Variants in EYS observed in about 807,000 individuals in gnomAD.
The protein encoded by EYS is EGF-like photoreceptor maintenance factor, also known as protein eyes shut homolog.
A neutral mutation model predicts 282.1 loss-of-function variants in EYS; 250 were observed. That is an observed-to-expected ratio of 0.89 (90% CI 0.80 to 0.98). EYS has a LOEUF of 0.98. Ranked by LOEUF, EYS falls within the 50% of genes least tolerant of loss-of-function variation. The pLI, the probability that EYS is intolerant of heterozygous loss-of-function variation, is 0.00. For synonymous variants in EYS, 1,355 were observed against 1,282.9 expected, an observed-to-expected ratio of 1.06 and a Z score of -1.20; for missense variants, 4,016 against 3,709.0, an observed-to-expected ratio of 1.08 and a Z score of -2.15.
intron 31 of EYS, among the ~76,000 whole-genome samples, chr6:64,185,797 C>T (rs2150313982): frequency 6.6e-6 from 1 of 152,262 alleles, no homozygotes; most frequent in South Asian, 2.1e-4. Flanking sequence ...TTTGTCCAAA[C>T]AACTACGTGT....
intron 5 of EYS, among the ~76,000 whole-genome samples, chr6:65,457,688 T>C (rs1225282367): frequency 6.6e-6 from 1 of 152,124 alleles, no homozygotes; most frequent in African/African-American, 2.4e-5. Context: ...AAAATCAAGT[T>C]TACCCTAATA....
At chr6:64,636,521 T>C (rs1372145118) in intron 22 of EYS, among the ~76,000 whole-genome samples, 4 of 152,130 alleles carry the variant, frequency 2.6e-5, no homozygotes, top group Non-Finnish European at 4.4e-5. Context: ...ATTCAGAACA[T>C]AGGCATGGGC....
At chr6:65,429,724 G>A (rs1582280068) in intron 5 of EYS, among the ~76,000 whole-genome samples, 1 of 151,668 alleles carries the variant, frequency 6.6e-6, no homozygotes, top group Non-Finnish European at 1.5e-5. Flanking sequence ...GAAACATTGA[G>A]AATGATTTTT....
intron 5 of EYS, among the ~76,000 whole-genome samples, chr6:65,435,676 A>T (rs12211561): frequency 1.3e-5 from 2 of 152,080 alleles, no homozygotes; most frequent in Non-Finnish European, 2.9e-5. Context: ...ACACTTACTA[A>T]GGACTGAATT....
intron 31 of EYS, among the ~76,000 whole-genome samples, chr6:64,195,078 A>T (rs1765241259): frequency 6.6e-6 from 1 of 152,052 alleles, no homozygotes; most frequent in Non-Finnish European, 1.5e-5. Context: ...TGTTGTCTGT[A>T]TAGTCAATAT....
At chr6:64,559,225 T>C (rs1439480011) in intron 26 of EYS, among the ~76,000 whole-genome samples, 2 of 151,752 alleles carry the variant, frequency 1.3e-5, no homozygotes, top group Admixed American at 6.6e-5. Context: ...CCATAAACTA[T>C]TTAACATTTT....
chr6:65,327,615 T>C (rs1169566940), intron 11 of EYS, among the ~76,000 whole-genome samples: 11 of 151,638 alleles, frequency 7.3e-5, no homozygotes, highest in Admixed American at 7.2e-4. Flanking sequence ...CTTTACTTCA[T>C]ACAATGGAAT....
intron 41 of EYS, among the ~76,000 whole-genome samples, chr6:63,754,511 A>G (rs1769426318): frequency 6.6e-6 from 1 of 152,176 alleles, no homozygotes; most frequent in African/African-American, 2.4e-5. Context: ...GTCCCTGCAA[A>G]GGACATGAAC....
chr6:63,739,425 C>G (rs1159436343), intron 41 of EYS, among the ~76,000 whole-genome samples: 1 of 152,136 alleles, frequency 6.6e-6, no homozygotes, highest in Non-Finnish European at 1.5e-5. Flanking sequence ...GAGCACCCCT[C>G]TCTTCCTGTC....
chr6:65,533,555 C>A (rs1465372838), intron 2 of EYS, among the ~76,000 whole-genome samples: 6 of 152,088 alleles, frequency 3.9e-5, no homozygotes, highest in Non-Finnish European at 7.4e-5. Context: ...AGACCAATAT[C>A]CCTGATGAAT....
intron 2 of EYS, among the ~76,000 whole-genome samples, chr6:65,589,325 C>T (rs116181710): frequency 1.7e-3 from 265 of 152,160 alleles, no homozygotes; most frequent in Non-Finnish European, 2.7e-3. Context: ...GACTCTTTGA[C>T]GATCCTTACT....
intron 35 of EYS, among the ~76,000 whole-genome samples, chr6:63,878,114 A>G (rs1417525508): frequency 6.6e-6 from 1 of 152,048 alleles, no homozygotes; most frequent in African/African-American, 2.4e-5. Context: ...GGTTTTATCT[A>G]CCTTTGGTCT....
At chr6:65,437,896 A>G (rs7454625) in intron 5 of EYS, among the ~76,000 whole-genome samples, 44,832 of 151,790 alleles carry the variant, frequency 0.3, 6,995 homozygotes, top group African/African-American at 0.38. Context: ...TAGGGTACAT[A>G]TGCACAACGT....
intron 12 of EYS, among the ~76,000 whole-genome samples, chr6:65,101,024 G>C (rs1327493371): frequency 1.3e-5 from 2 of 151,050 alleles, no homozygotes; most frequent in Non-Finnish European, 3.0e-5. Flanking sequence ...ATAAATATTA[G>C]TCAGAAATGC....
At position 65,694,238 on chromosome 6, in the gene EYS, A is replaced by G. The variant is rs1209528827; in HGVS notation, c.-448+12897T>C. ...GTGCCATTGCACTCCAGGCTGGGCA[A>G]CAAGAGCAAAACTCTATCTCAAAAA... On this transcript the variant is annotated intron_variant, in intron 1 of 42. Transcript: ENST00000503581. 1.3e-5 allele frequency among the ~76,000 whole-genome samples: 2 copies of G among 150,046 alleles called. 1 individual carries two copies. The highest frequency in any genetic ancestry group is 4.5e-4 in the East Asian group (2 of 4,416).
intron 30 of EYS, among the ~76,000 whole-genome samples, chr6:64,234,931 T>G (rs1204437990): frequency 1.3e-5 from 2 of 151,360 alleles, no homozygotes; most frequent in Non-Finnish European, 1.5e-5. Context: ...CAGGCTGGAG[T>G]GTAATGGCCA....
chr6:64,305,422 A>G (rs1419247947), intron 30 of EYS, among the ~76,000 whole-genome samples: 1 of 152,194 alleles, frequency 6.6e-6, no homozygotes, highest in Non-Finnish European at 1.5e-5. Flanking sequence ...TACTCTGAAC[A>G]TACAAAACAA....
intron 2 of EYS, among the ~76,000 whole-genome samples, chr6:65,597,750 T>G (rs755668863): frequency 3.6e-4 from 55 of 151,612 alleles, no homozygotes; most frequent in Admixed American, 9.2e-4. Flanking sequence ...TTAGGTTCCT[T>G]GAAAGCTGGT....
chr6:64,118,268 C>T (rs1773457718), intron 31 of EYS, among the ~76,000 whole-genome samples: 1 of 152,196 alleles, frequency 6.6e-6, no homozygotes, highest in Non-Finnish European at 1.5e-5. Context: ...GGAGGCATCA[C>T]ATGATTTGAC....
Sources: gnomAD v4.1 joint callset for allele counts (sites outside exome capture counted in the v4.1 genomes callset) on GRCh38, gnomAD v4.1.1 for gene constraint, MANE v1.5 for transcripts, NCBI Gene and HGNC (gene_info 2026-07-23, HGNC 2026-07-21) for gene names.